Variants in CCDC150 observed in about 807,000 individuals in gnomAD.
CCDC150 encodes the protein coiled-coil domain containing 150.
A neutral mutation model predicts 156.5 loss-of-function variants in CCDC150; 151 were observed. The ratio of observed to expected loss-of-function variants is 0.97; its 90% CI spans 0.85 to 1.10. The LOEUF is 1.10. Among genes scored for constraint, CCDC150 ranks in the 50% least tolerant of loss-of-function variants. The pLI is 0.00. For missense variants in CCDC150, 1,312 were observed against 1,268.1 expected (o/e 1.03, Z -0.53); for synonymous variants, 452 against 429.4 (o/e 1.05, Z -0.65).
rs75124593 is a variant in CCDC150, at chr2:196,696,649, A to G, written c.1623+1490A>G. Reference sequence around the variant, plus strand: ...CTAGCTTGCAGCTCTGTCTCCACCCAGAAGCGTCTCTGACCATGCCTGCCT... The same window carrying G: ...CTAGCTTGCAGCTCTGTCTCCACCCGGAAGCGTCTCTGACCATGCCTGCCT... On this transcript the variant is annotated intron_variant, in intron 14 of 27. Transcript: ENST00000389175. 7.2e-3 allele frequency among the ~76,000 whole-genome samples: 1,101 copies of G among 152,336 alleles called. 11 individuals are homozygous for G. Among genetic ancestry groups the G allele is most frequent in the African/African-American group, 0.025 (1,045 of 41,578 alleles).
In CCDC150 at chr2:196,729,284, A is replaced by T. The variant is rs1228664068; in HGVS notation, c.2648A>T (p.Lys883Ile). 9.3e-6 allele frequency: 15 copies of T among 1,613,920 alleles called. No homozygotes were observed. The highest frequency in any genetic ancestry group is 1.3e-5 in the Non-Finnish European group (15 of 1,179,860). Residue 883 changes from lysine (K) to isoleucine (I), a missense_variant, in exon 23 of 28, where the codon AAA becomes ATA. Coordinates refer to ENST00000389175, the MANE Select transcript of CCDC150 (RefSeq NM_001080539.2). ...ELRQKLAELE[K>I]ILESNKEKIK... ...CGACAGAAACTTGCAGAGCTAGAAA[A>T]AATACTAGAAAGTAACAAGGAGAAA...
At chr2:196,702,954 A>G (rs932208461) in intron 15 of CCDC150, among the ~76,000 whole-genome samples, 4 of 152,170 alleles carry the variant, frequency 2.6e-5, no homozygotes, top group African/African-American at 7.2e-5. Flanking sequence ...GACCAAACAT[A>G]AGAGGCAGCC....
At chr2:196,666,119 G>A (rs534709756) in intron 6 of CCDC150, among the ~76,000 whole-genome samples, 4 of 152,120 alleles carry the variant, frequency 2.6e-5, no homozygotes, top group Non-Finnish European at 5.9e-5. Context: ...ATATCAATAA[G>A]TAAAACAATC....
At chr2:196,694,934 A>C (rs1438749178) in intron 13 of CCDC150, 112 bp from the exon 14 acceptor site, 18 of 546,810 alleles carry the variant, frequency 3.3e-5, no homozygotes, top group Non-Finnish European at 3.9e-5. Context: ...GAGGCAAGGA[A>C]ACATATGGAC....
chr2:196,683,024 A>G (rs1694934476), intron 13 of CCDC150, among the ~76,000 whole-genome samples: 2 of 151,956 alleles, frequency 1.3e-5, no homozygotes, highest in African/African-American at 2.4e-5. Flanking sequence ...ATTTTCGTAT[A>G]TAATTGCCTG....
intron 13 of CCDC150, among the ~76,000 whole-genome samples, chr2:196,694,290 A>G (rs1199843901): frequency 2.0e-5 from 3 of 152,000 alleles, no homozygotes; most frequent in African/African-American, 4.8e-5. Context: ...TCTTGACCTC[A>G]GGTGATCCAC....
intron 13 of CCDC150, among the ~76,000 whole-genome samples, chr2:196,693,346 A>G (rs947745110): frequency 1.3e-5 from 2 of 152,212 alleles, no homozygotes; most frequent in South Asian, 2.1e-4. Context: ...TCAGTATTTC[A>G]TAATTTTCAG....
chr2:196,721,770 G>T, intron 21 of CCDC150, 79 bp downstream of exon 21: 1 of 1,157,842 alleles, frequency 8.6e-7, no homozygotes, highest in East Asian at 2.7e-5. Flanking sequence ...TGGCTCATTC[G>T]CATAAATCAG....
chr2:196,658,726 A>G lies in CCDC150; in HGVS notation c.577-66A>G. ...AGAAAAAAACCTGATTTGATCTGAT[A>G]TACCTATAGACAATTTCTTCCTGTC... On this transcript the variant is annotated intron_variant, in intron 4 of 27. Transcript: ENST00000389175. The G allele has an allele frequency of 4.2e-6, 5 of 1,185,334 alleles. No homozygotes were observed. The South Asian group carries it at 6.8e-5, about 16-fold the overall frequency. The allele number at this position is 1,185,334 out of a possible 1,614,324, so 73.4% of individuals were successfully genotyped here. A position where few individuals can be genotyped will look rare whatever the true frequency, so the allele number is the denominator to read the frequency against.
At chr2:196,713,813 GACTAATA>G in intron 17 of CCDC150, 1 of 1,032,186 alleles carries the variant, frequency 9.7e-7, no homozygotes, top group Non-Finnish European at 1.3e-6. Flanking sequence ...ATAGAAAAAA[GACTAATA>G]TAGATTGAAA....
chr2:196,654,709 A>G (rs1313866358), intron 2 of CCDC150, among the ~76,000 whole-genome samples: 1 of 152,168 alleles, frequency 6.6e-6, no homozygotes, highest in East Asian at 1.9e-4. Flanking sequence ...TGGAAAAACC[A>G]TATATCTCCA....
At chr2:196,692,140 T>C (rs1405477564) in intron 13 of CCDC150, among the ~76,000 whole-genome samples, 1 of 140,976 alleles carries the variant, frequency 7.1e-6, no homozygotes, top group African/African-American at 2.6e-5. Context: ...TTTTTTTTTT[T>C]TTTTTGAGAC....
rs750442405 is a variant in CCDC150, at chr2:196,721,690, A to G, written c.2428A>G (p.Lys810Glu). Residue 810 changes from lysine (K) to glutamate (E), a missense_variant and splice_region_variant, in exon 21 of 28, where the codon AAA (lysine) becomes GAA (glutamate). Transcript: ENST00000389175. ...ELERQNLETF[K>E]DRMTEESKVE... ...TGAGCGACAGAATTTGGAAACCTTC[A>G]AGTAAGAGCATTATAGTTGCAGTAA... 1.9e-6 allele frequency: 3 copies of G among 1,589,896 alleles called. No homozygotes were observed. Among genetic ancestry groups the G allele is most frequent in the Admixed American group, 1.8e-5 (1 of 56,040 alleles).
chr2:196,693,918 A>G (rs1250060416), intron 13 of CCDC150, among the ~76,000 whole-genome samples: 8 of 152,122 alleles, frequency 5.3e-5, no homozygotes, highest in Non-Finnish European at 1.2e-4. Flanking sequence ...TCTATAGTCT[A>G]TTGAAACGGT....
intron 2 of CCDC150, among the ~76,000 whole-genome samples, chr2:196,655,846 A>G (rs1317382136): frequency 6.6e-6 from 1 of 152,046 alleles, no homozygotes; most frequent in East Asian, 1.9e-4. Flanking sequence ...TCCAGGAGGA[A>G]TTGGTAGACT....
intron 15 of CCDC150, among the ~76,000 whole-genome samples, chr2:196,704,553 G>A (rs1157760184): frequency 6.6e-6 from 1 of 151,910 alleles, no homozygotes; most frequent in Non-Finnish European, 1.5e-5. Flanking sequence ...TTTAAAATCA[G>A]TATTTTTTTA....
At chr2:196,640,574 C>G (rs1692155727) in intron 1 of CCDC150, among the ~76,000 whole-genome samples, 2 of 152,204 alleles carry the variant, frequency 1.3e-5, no homozygotes, top group South Asian at 4.1e-4. Flanking sequence ...ATTTTAAAAA[C>G]TACTCTTTAT....
intron 26 of CCDC150, among the ~76,000 whole-genome samples, chr2:196,731,314 C>A (rs774655461): frequency 1.1e-3 from 166 of 151,970 alleles, no homozygotes; most frequent in South Asian, 2.5e-3. Context: ...GTAAAGTAGA[C>A]CCTATTTAAC....
At chr2:196,693,161 G>A (rs1307807899) in intron 13 of CCDC150, among the ~76,000 whole-genome samples, 1 of 152,022 alleles carries the variant, frequency 6.6e-6, no homozygotes, top group Non-Finnish European at 1.5e-5. Context: ...CCATTTGCTT[G>A]GTAGATTCTC....
Sources: gnomAD v4.1 joint callset for allele counts (sites outside exome capture counted in the v4.1 genomes callset) on GRCh38, gnomAD v4.1.1 for gene constraint, MANE v1.5 for transcripts, NCBI Gene and HGNC (gene_info 2026-07-23, HGNC 2026-07-21) for gene names.